Variants in MAGI2 observed in about 807,000 individuals in gnomAD.
MAGI2 encodes the protein membrane-associated guanylate kinase, WW and PDZ domain-containing protein 2.
Under a neutral mutation model 133.3 loss-of-function variants are expected in MAGI2, and 35 were observed. The ratio of observed to expected loss-of-function variants is 0.26; its 90% CI spans 0.20 to 0.35. The LOEUF (loss-of-function observed/expected upper bound fraction) is 0.35, where lower values mean the gene tolerates loss of function less well. MAGI2 is among the 10% of genes least tolerant of loss of function. The pLI is 1.00. For synonymous variants in MAGI2, 729 were observed against 710.6 expected, an observed-to-expected ratio of 1.03 and a Z score of -0.41; for missense variants, 1,636 against 1,863.4, an observed-to-expected ratio of 0.88 and a Z score of 2.25.
At chr7:78,513,310 C>T (rs34566402) in intron 4 of MAGI2, among the ~76,000 whole-genome samples, 19,886 of 151,958 alleles carry the variant, frequency 0.13, 1,417 homozygotes, top group Middle Eastern at 0.15. Context: ...AAAAGTCAAA[C>T]GGGAAAAAAC....
At chr7:79,108,022 G>T (rs931986850) in intron 1 of MAGI2, among the ~76,000 whole-genome samples, 10 of 152,094 alleles carry the variant, frequency 6.6e-5, no homozygotes, top group Admixed American at 4.6e-4. Flanking sequence ...TTATGGAAAA[G>T]GTAAAATACC....
chr7:79,344,349 A>G (rs879751662), intron 1 of MAGI2, among the ~76,000 whole-genome samples: 3 of 152,250 alleles, frequency 2.0e-5, no homozygotes, highest in Admixed American at 2.0e-4. Context: ...AGACATAAAC[A>G]TGTTTTAGAA....
chr7:79,357,864 G>A (rs558130829), intron 1 of MAGI2, among the ~76,000 whole-genome samples: 27 of 152,082 alleles, frequency 1.8e-4, no homozygotes, highest in East Asian at 7.7e-4. Context: ...TTTATGTAAC[G>A]TAACTAAGTA....
chr7:79,040,923 T>A (rs1186003625), intron 1 of MAGI2, among the ~76,000 whole-genome samples: 3 of 152,202 alleles, frequency 2.0e-5, no homozygotes, highest in Admixed American at 2.0e-4. Context: ...AATACAGTGT[T>A]TGATAGCACA....
At chr7:78,633,122 T>C (rs1024488483) in intron 2 of MAGI2, among the ~76,000 whole-genome samples, 3 of 152,236 alleles carry the variant, frequency 2.0e-5, no homozygotes, top group Admixed American at 2.0e-4. Flanking sequence ...GCTATTATCC[T>C]TAGCAAACTA....
chr7:78,926,911 C>G (rs987395105), intron 2 of MAGI2, among the ~76,000 whole-genome samples: 1 of 151,408 alleles, frequency 6.6e-6, no homozygotes, highest in Non-Finnish European at 1.5e-5. Flanking sequence ...TGAGGGGAAA[C>G]AGTGAGAAAA....
intron 21 of MAGI2, chr7:78,065,574 C>T: frequency 1.5e-6 from 1 of 684,180 alleles, no homozygotes; most frequent in Non-Finnish European, 2.6e-6. Flanking sequence ...TTTTACAAAC[C>T]GTGTCTTTAG....
intron 1 of MAGI2, among the ~76,000 whole-genome samples, chr7:79,136,003 G>GAGAAAGAAAGAAAGAAAGAA (rs1554375907): frequency 1.7e-4 from 7 of 40,924 alleles, no homozygotes; most frequent in South Asian, 1.6e-3. Flanking sequence ...AAGAAAGAAA[G>GAGAAAGAAAGAAAGAAAGAA]AGAAAGAAAG....
At chr7:79,027,147 A>T (rs1044382483) in intron 1 of MAGI2, among the ~76,000 whole-genome samples, 2 of 151,410 alleles carry the variant, frequency 1.3e-5, no homozygotes, top group Non-Finnish European at 2.9e-5. Context: ...TGGAGTTTCT[A>T]AAAAAAATAG....
chr7:79,045,250 T>A (rs1001817963), intron 1 of MAGI2, among the ~76,000 whole-genome samples: 1 of 152,198 alleles, frequency 6.6e-6, no homozygotes, highest in African/African-American at 2.4e-5. Flanking sequence ...AGAAGGGAAC[T>A]TTTGGACATG....
At chr7:79,067,703 C>A (rs1469111576) in intron 1 of MAGI2, among the ~76,000 whole-genome samples, 1 of 152,198 alleles carries the variant, frequency 6.6e-6, no homozygotes, top group Non-Finnish European at 1.5e-5. Flanking sequence ...GGGAATGCTT[C>A]CAGCTTTTGC....
At chr7:78,500,994 G>A (rs115640550) in intron 5 of MAGI2, among the ~76,000 whole-genome samples, 3,241 of 152,198 alleles carry the variant, frequency 0.021, 62 homozygotes, top group African/African-American at 0.046. Context: ...AGACTGAGGC[G>A]GGAGGACTGC....
At chr7:78,671,670 A>G (rs1426474179) in intron 2 of MAGI2, among the ~76,000 whole-genome samples, 1 of 152,146 alleles carries the variant, frequency 6.6e-6, no homozygotes, top group Non-Finnish European at 1.5e-5. Flanking sequence ...GCACTGCATA[A>G]AGAAAGAATT....
intron 2 of MAGI2, among the ~76,000 whole-genome samples, chr7:78,772,550 T>C (rs1825677113): frequency 6.6e-6 from 1 of 152,194 alleles, no homozygotes; most frequent in African/African-American, 2.4e-5. Flanking sequence ...CCTTCCAGAA[T>C]GATGTTGGAA....
intron 2 of MAGI2, among the ~76,000 whole-genome samples, chr7:78,667,097 T>A (rs1443849847): frequency 6.6e-6 from 1 of 152,104 alleles, no homozygotes; most frequent in Non-Finnish European, 1.5e-5. Context: ...TACAGAGAGA[T>A]TCCAGGTGCC....
At chr7:78,146,072 CTTTTA>C (rs1823282660) in intron 16 of MAGI2, among the ~76,000 whole-genome samples, 1 of 152,000 alleles carries the variant, frequency 6.6e-6, no homozygotes, top group African/African-American at 2.4e-5. Context: ...ATCTTTATTT[CTTTTA>C]TTTTCTTTCA....
At chr7:79,331,946 TA>T (rs56251920) in intron 1 of MAGI2, among the ~76,000 whole-genome samples, 83,609 of 146,204 alleles carry the variant, frequency 0.57, 26,677 homozygotes, top group Non-Finnish European at 0.71. Flanking sequence ...TAAAGTATAA[TA>T]AAAAAAAAAA....
intron 9 of MAGI2, among the ~76,000 whole-genome samples, chr7:78,277,302 TAAAAA>T (rs1795147557): frequency 6.6e-6 from 1 of 152,254 alleles, no homozygotes; most frequent in African/African-American, 2.4e-5. Context: ...AGTGAAATAT[TAAAAA>T]TAACCAGTGA....
intron 2 of MAGI2, among the ~76,000 whole-genome samples, chr7:78,700,538 G>A (rs10245860): frequency 6.6e-6 from 1 of 152,006 alleles, no homozygotes; most frequent in South Asian, 2.1e-4. Flanking sequence ...TTTAGTAAAA[G>A]TCCATCTGAC....
Sources: gnomAD v4.1 joint callset for allele counts (sites outside exome capture counted in the v4.1 genomes callset) on GRCh38, gnomAD v4.1.1 for gene constraint, MANE v1.5 for transcripts, NCBI Gene and HGNC (gene_info 2026-07-23, HGNC 2026-07-21) for gene names.